TBC1D1: variants seen among roughly 807,000 people sequenced by gnomAD.
The protein encoded by TBC1D1 is TBC1 domain family member 1.
Under a neutral mutation model 125.6 loss-of-function variants are expected in TBC1D1, and 89 were observed. That is an observed-to-expected ratio of 0.71 (90% CI 0.60 to 0.85). TBC1D1 has a LOEUF of 0.85. Ranked by LOEUF, TBC1D1 falls within the 40% of genes least tolerant of loss-of-function variation. The pLI is 0.00. For synonymous variants in TBC1D1, 565 were observed against 564.1 expected (o/e 1.00, Z -0.02); for missense variants, 1,377 against 1,469.2 (o/e 0.94, Z 1.03).
chr4:38,043,590 C>CAAAA (rs34854751), intron 8 of TBC1D1, among the ~76,000 whole-genome samples: 20 of 142,720 alleles, frequency 1.4e-4, no homozygotes, highest in African/African-American at 4.7e-4. Flanking sequence ...CACCCTGTCT[C>CAAAA]AAAAAAAAAA....
chr4:37,950,200 C>T (rs1176742214), intron 2 of TBC1D1, among the ~76,000 whole-genome samples: 1 of 152,168 alleles, frequency 6.6e-6, no homozygotes, highest in Non-Finnish European at 1.5e-5. Context: ...GTCTGAGGCG[C>T]AGTTCTGCAC....
At chr4:37,975,567 A>T (rs4352485) in intron 2 of TBC1D1, among the ~76,000 whole-genome samples, 1 of 152,152 alleles carries the variant, frequency 6.6e-6, no homozygotes, top group East Asian at 1.9e-4. Flanking sequence ...TGACACTAAC[A>T]CTACCGCTAG....
intron 2 of TBC1D1, among the ~76,000 whole-genome samples, chr4:38,002,194 C>T (rs891638196): frequency 6.6e-6 from 1 of 152,072 alleles, no homozygotes; most frequent in African/African-American, 2.4e-5. Context: ...TTAACAAAAC[C>T]TCAGTCGCTC....
intron 2 of TBC1D1, among the ~76,000 whole-genome samples, chr4:37,926,941 AC>A (rs1446089142): frequency 1.3e-5 from 2 of 151,958 alleles, no homozygotes; most frequent in African/African-American, 4.8e-5. Context: ...ACATGGTGAA[AC>A]CCCATCTCTA....
At chr4:38,047,409 G>A (rs919091846) in intron 10 of TBC1D1, among the ~76,000 whole-genome samples, 7 of 152,144 alleles carry the variant, frequency 4.6e-5, no homozygotes, top group African/African-American at 1.7e-4. Flanking sequence ...TCTGCAGACC[G>A]CCTCTGGGGA....
intron 2 of TBC1D1, among the ~76,000 whole-genome samples, chr4:37,951,139 G>C (rs960953435): frequency 6.6e-6 from 1 of 152,108 alleles, no homozygotes; most frequent in African/African-American, 2.4e-5. Context: ...CCCCAGTTTG[G>C]CCTTGATGAT....
intron 2 of TBC1D1, among the ~76,000 whole-genome samples, chr4:38,006,474 ATTT>A (rs71190940): frequency 9.9e-6 from 1 of 101,378 alleles, no homozygotes. Flanking sequence ...GACCAACACT[ATTT>A]TTTTTTTTTT....
At chr4:38,103,586 C>T (rs2152559586) in intron 15 of TBC1D1, among the ~76,000 whole-genome samples, 1 of 152,252 alleles carries the variant, frequency 6.6e-6, no homozygotes, top group South Asian at 2.1e-4. Flanking sequence ...TTGTAGAAAG[C>T]AGTTTGTGTG....
At chr4:37,949,716 T>C (rs1350662420) in intron 2 of TBC1D1, among the ~76,000 whole-genome samples, 1 of 152,208 alleles carries the variant, frequency 6.6e-6, no homozygotes, top group African/African-American at 2.4e-5. Flanking sequence ...GACCAGAAAG[T>C]AAATATTTTC....
intron 2 of TBC1D1, among the ~76,000 whole-genome samples, chr4:37,928,607 G>C (rs529547024): frequency 2.0e-5 from 3 of 152,262 alleles, no homozygotes; most frequent in African/African-American, 7.2e-5. Context: ...CCCTTGCAGT[G>C]GGTATACTTT....
rs1432726949 is a variant in TBC1D1, at chr4:38,021,553, T to G, written c.1078-33T>G. The G allele has an allele frequency of 3.4e-6, 5 of 1,470,344 alleles. No homozygotes were observed. The East Asian group carries it at 1.3e-4, about 38-fold the overall frequency. 91.1% of individuals were successfully genotyped at this position (1,470,344 alleles called of 1,614,324 possible). A position where few individuals can be genotyped will look rare whatever the true frequency, so the allele number is the denominator to read the frequency against. On this transcript the variant is annotated intron_variant, in intron 5 of 19. Transcript: ENST00000261439. ...GCCCAGCTAATTTCAAATTGACTTT[T>G]TGGTGACTACAACTTCTCTTCTCTT...
intron 2 of TBC1D1, among the ~76,000 whole-genome samples, chr4:38,007,376 C>T (rs1740528364): frequency 6.6e-6 from 1 of 152,082 alleles, no homozygotes; most frequent in Non-Finnish European, 1.5e-5. Context: ...TCTCAGCCTC[C>T]CAAGTAGCTG....
intron 19 of TBC1D1, among the ~76,000 whole-genome samples, chr4:38,135,170 G>A (rs1205058145): frequency 6.6e-6 from 1 of 152,088 alleles, no homozygotes; most frequent in Non-Finnish European, 1.5e-5. Flanking sequence ...CTTTTCTGGG[G>A]GGGCCAAAAT....
intron 2 of TBC1D1, among the ~76,000 whole-genome samples, chr4:37,937,682 G>C (rs143672357): frequency 1.3e-5 from 2 of 152,274 alleles, no homozygotes; most frequent in South Asian, 4.1e-4. Flanking sequence ...TTCATAAACT[G>C]CTGGACTTCC....
chr4:38,051,592 C>T (rs1018961704), intron 11 of TBC1D1, among the ~76,000 whole-genome samples: 16 of 151,790 alleles, frequency 1.1e-4, no homozygotes, highest in Admixed American at 8.5e-4. Flanking sequence ...CAGCTGTGAT[C>T]GTGCTACCGC....
chr4:38,045,626 G>A (rs909285436), intron 9 of TBC1D1, among the ~76,000 whole-genome samples, 191 bp from the exon 10 acceptor site: 3 of 152,120 alleles, frequency 2.0e-5, no homozygotes, highest in Non-Finnish European at 2.9e-5. Flanking sequence ...GAACGTTTAG[G>A]TTAGTGTCTT....
chr4:38,075,797 C>T (rs1380427898), intron 12 of TBC1D1, among the ~76,000 whole-genome samples: 1 of 152,148 alleles, frequency 6.6e-6, no homozygotes, highest in Non-Finnish European at 1.5e-5. Flanking sequence ...CAGAGTCTCA[C>T]TTCAGGACAG....
intron 12 of TBC1D1, among the ~76,000 whole-genome samples, chr4:38,067,001 C>T (rs1024471352): frequency 2.0e-5 from 3 of 151,790 alleles, no homozygotes; most frequent in Admixed American, 6.6e-5. Flanking sequence ...CTCAGCCTCC[C>T]GAGTAGCTGG....
intron 2 of TBC1D1, chr4:37,960,322 G>T (rs895741502): frequency 3.0e-6 from 3 of 995,330 alleles, no homozygotes; most frequent in Non-Finnish European, 4.4e-6. Flanking sequence ...GATGTGCTAG[G>T]CACAAAAATT....
Sources: allele counts gnomAD v4.1 joint callset (sites outside exome capture counted in the v4.1 genomes callset), GRCh38; gene constraint gnomAD v4.1.1; transcripts MANE v1.5; gene names NCBI Gene and HGNC (gene_info 2026-07-23, HGNC 2026-07-21).